GSE1: variants seen among roughly 807,000 people sequenced by gnomAD.
The protein encoded by GSE1 is Gse1 coiled-coil protein.
GSE1 carries 32 observed loss-of-function variants against 112.6 expected under a neutral mutation model. That is an observed-to-expected ratio of 0.28 (90% CI 0.21 to 0.38). The LOEUF (loss-of-function observed/expected upper bound fraction) is 0.38. Among genes scored for constraint, GSE1 ranks in the 10% least tolerant of loss-of-function variants. The probability of loss-of-function intolerance (pLI) is 1.00; values close to 1 mark genes in which losing one functional copy is unlikely to be tolerated. For synonymous variants in GSE1, 1,115 were observed against 735.6 expected (o/e 1.52, Z -8.35); for missense variants, 2,348 against 1,699.2 (o/e 1.38, Z -6.71).
chr16:85,327,580 GC>G lies in GSE1; in HGVS notation c.2284-29882del, dbSNP rs553850535. On this transcript the variant is annotated intron_variant, in intron 1 of 2. Coordinates refer to the GSE1 transcript ENST00000637419. ...ATCGCACCACTGCACTCCAGCCTGG[GC>G]AACAGAGCGAGACTCTGTCTCAGAA... is the stretch of plus-strand genomic sequence containing the variant. 2.9e-3 allele frequency among the ~76,000 whole-genome samples: 437 copies of G among 152,306 alleles called. 2 individuals carry two copies. Among genetic ancestry groups the G allele is most frequent in the African/African-American group, 9.7e-3 (401 of 41,546 alleles).
chr16:85,602,083 C>T (rs1342672506), intron 1 of GSE1, among the ~76,000 whole-genome samples: 1 of 152,196 alleles, frequency 6.6e-6, no homozygotes, highest in East Asian at 1.9e-4. Flanking sequence ...CCAGCCCCAC[C>T]GTCCAGGGAA....
intron 2 of GSE1, among the ~76,000 whole-genome samples, chr16:85,454,015 C>T (rs1280404875): frequency 1.3e-5 from 2 of 152,294 alleles, no homozygotes; most frequent in African/African-American, 4.8e-5. Flanking sequence ...CCACCCCCGC[C>T]CCCTGCCCCA....
chr16:85,501,649 C>T (rs1053706110), intron 2 of GSE1, among the ~76,000 whole-genome samples: 1 of 152,200 alleles, frequency 6.6e-6, no homozygotes, highest in African/African-American at 2.4e-5. Context: ...CCACCTCGGC[C>T]TCCCAAAGCG....
Position 85,675,503 on chromosome 16 carries a change from T to C in GSE1, c.*2964T>C, listed in dbSNP as rs1190505547. ...AATCTTAAAGGAATAAAGCACTGAATTGGGACTAACATTCTGATAGGTTGC... is the reference window on the plus strand; with the variant it reads ...AATCTTAAAGGAATAAAGCACTGAACTGGGACTAACATTCTGATAGGTTGC... On this transcript the variant is annotated 3_prime_UTR_variant, in exon 16 of 16. Transcript: ENST00000253458. 6.6e-6 allele frequency: 1 copy of C among 152,220 alleles called. No homozygotes were observed. The highest frequency in any genetic ancestry group is 2.4e-5 in the African/African-American group (1 of 41,460). 9.4% of individuals were successfully genotyped at this position (152,220 alleles called of 1,614,324 possible). A position where few individuals can be genotyped will look rare whatever the true frequency, so the allele number is the denominator to read the frequency against.
intron 2 of GSE1, among the ~76,000 whole-genome samples, chr16:85,417,261 G>T (rs1414336740): frequency 6.6e-6 from 1 of 152,208 alleles, no homozygotes. Flanking sequence ...AACCCCACTA[G>T]ATGCCAGTAG....
intron 1 of GSE1, among the ~76,000 whole-genome samples, chr16:85,209,750 G>A (rs942705121): frequency 3.3e-5 from 5 of 152,334 alleles, no homozygotes; most frequent in East Asian, 3.9e-4. Context: ...GCCGCCTGAC[G>A]TTGCCTGCTG....
intron 1 of GSE1, among the ~76,000 whole-genome samples, chr16:85,179,418 T>C (rs947170530): frequency 1.2e-4 from 19 of 152,188 alleles, no homozygotes; most frequent in Admixed American, 7.9e-4. Flanking sequence ...GGACATCGGC[T>C]TGTTTCTGCT....
intron 2 of GSE1, among the ~76,000 whole-genome samples, chr16:85,454,199 C>G (rs905587942): frequency 1.3e-4 from 20 of 152,294 alleles, no homozygotes; most frequent in African/African-American, 1.2e-4. Context: ...CTGTGTGGAG[C>G]CTTTCCATAC....
intron 14 of GSE1, among the ~76,000 whole-genome samples, chr16:85,669,756 G>T (rs1009122358): frequency 6.6e-6 from 1 of 152,178 alleles, no homozygotes. Context: ...GTTCTGCGTA[G>T]GATTCATGTG....
At chr16:85,412,814 A>G (rs2048608915) in intron 2 of GSE1, among the ~76,000 whole-genome samples, 1 of 152,178 alleles carries the variant, frequency 6.6e-6, no homozygotes, top group African/African-American at 2.4e-5. Context: ...ATTTAATCAC[A>G]CCTGCAAACA....
chr16:85,597,612 G>C (rs2047289855), intron 1 of GSE1, among the ~76,000 whole-genome samples: 1 of 152,052 alleles, frequency 6.6e-6, no homozygotes, highest in Non-Finnish European at 1.5e-5. Context: ...TAGGACTACA[G>C]GTATGCACCG....
chr16:85,420,635 CCAGCCCACT>C (rs1216981080), intron 2 of GSE1, among the ~76,000 whole-genome samples: 2 of 152,140 alleles, frequency 1.3e-5, no homozygotes, highest in Non-Finnish European at 2.9e-5. Context: ...GCAGATGAGG[CCAGCCCACT>C]CGGCCCACCG....
intron 2 of GSE1, among the ~76,000 whole-genome samples, chr16:85,529,754 A>T (rs2044077834): frequency 6.6e-6 from 1 of 152,158 alleles, no homozygotes; most frequent in Non-Finnish European, 1.5e-5. Flanking sequence ...AGGCTTCCGG[A>T]ACCTCACCGA....
At chr16:85,629,342 C>G (rs764268633) in intron 1 of GSE1, among the ~76,000 whole-genome samples, 2 of 152,228 alleles carry the variant, frequency 1.3e-5, no homozygotes, top group Non-Finnish European at 2.9e-5. Flanking sequence ...CTCATGAAGG[C>G]CACAGGAGAG....
In GSE1 at chr16:85,661,019, T is replaced by A; in HGVS notation, c.1641-127T>A. 5.2e-6 allele frequency: 4 copies of A among 766,674 alleles called. No homozygotes were observed. The South Asian group carries it at 5.6e-5, about 11-fold the overall frequency. The allele number at this position is 766,674 out of a possible 1,614,324, so 47.5% of individuals were successfully genotyped here. ...AGTGTGTGTCCCCTCCCTGCAGCCC[T>A]GTTGGCACTGGCTCTCTAAGGGGCT... On this transcript the variant is annotated intron_variant, in intron 8 of 15. Transcript: ENST00000253458.
intron 1 of GSE1, among the ~76,000 whole-genome samples, chr16:85,601,332 G>A (rs1377777542): frequency 1.3e-5 from 2 of 152,114 alleles, no homozygotes; most frequent in Non-Finnish European, 2.9e-5. Context: ...GCAGCCATGG[G>A]TGTCTGCCAG....
At chr16:85,281,231 TG>T (rs1265706434) in intron 1 of GSE1, among the ~76,000 whole-genome samples, 1 of 152,132 alleles carries the variant, frequency 6.6e-6, no homozygotes, top group Non-Finnish European at 1.5e-5. Flanking sequence ...GCAGAAGCCC[TG>T]TGGCTTGTCC....
intron 2 of GSE1, among the ~76,000 whole-genome samples, chr16:85,494,817 C>T (rs2051118986): frequency 6.6e-6 from 1 of 152,208 alleles, no homozygotes; most frequent in Admixed American, 6.5e-5. Context: ...CAAGTGTGAC[C>T]CCCTGTTCTT....
At chr16:85,203,777 G>T (rs1009079846) in intron 1 of GSE1, among the ~76,000 whole-genome samples, 1 of 152,088 alleles carries the variant, frequency 6.6e-6, no homozygotes, top group African/African-American at 2.4e-5. Context: ...TCACTCTGTC[G>T]CCCAGGCTGG....
Sources: gnomAD v4.1 joint callset for allele counts (sites outside exome capture counted in the v4.1 genomes callset) on GRCh38, gnomAD v4.1.1 for gene constraint, MANE v1.5 for transcripts, NCBI Gene and HGNC (gene_info 2026-07-23, HGNC 2026-07-21) for gene names.